JAK3: variants seen among roughly 807,000 people sequenced by gnomAD.
JAK3 encodes the protein Janus kinase 3, also known as tyrosine-protein kinase JAK3.
In JAK3, 88 loss-of-function variants were observed where a neutral mutation model predicts 120.8. The observed-to-expected ratio is 0.73, with a 90% CI of 0.61 to 0.87. The LOEUF is 0.87. Ranked by LOEUF, JAK3 falls within the 40% of genes least tolerant of loss-of-function variation. The pLI, the probability that JAK3 is intolerant of heterozygous loss-of-function variation, is 0.00. For synonymous variants in JAK3, 592 were observed against 628.6 expected (o/e 0.94, Z 0.87); for missense variants, 1,254 against 1,501.4 (o/e 0.84, Z 2.72).
At position 17,831,091 on chromosome 19, in the gene JAK3, G is replaced by A; in HGVS notation, c.2978+137C>T. 1.2e-6 allele frequency: 1 copy of A among 850,578 alleles called. No homozygotes were observed. The highest frequency in any genetic ancestry group is 1.8e-6 in the Non-Finnish European group (1 of 549,254). The allele number at this position is 850,578 out of a possible 1,614,324, so 52.7% of individuals were successfully genotyped here. On this transcript the variant is annotated intron_variant, in intron 21 of 23. Coordinates refer to ENST00000458235, the MANE Select transcript of JAK3 (RefSeq NM_000215.4). The surrounding 1 kb of genome is among the most constrained non-coding windows in gnomAD (Gnocchi z 5.1). ...TGAGGGGGCGGGGCTCTGGGGAGTG[G>A]GAGGGGCCAAAGCTGCAGCGGAGGA...
At chr19:17,827,294 A>G (rs1458319292) in intron 23 of JAK3, among the ~76,000 whole-genome samples, 1 of 151,978 alleles carries the variant, frequency 6.6e-6, no homozygotes, top group Non-Finnish European at 1.5e-5. Flanking sequence ...TAAAACACAA[A>G]TTAAATTCCA....
chr19:17,841,121 C>CT lies in JAK3; in HGVS notation c.1142+267dup, dbSNP rs2094237508. Among the ~76,000 whole-genome samples, 2 of 152,106 alleles carry CT rather than the reference C, an allele frequency of 1.3e-5. No homozygotes were observed. The highest frequency in any genetic ancestry group is 4.8e-5 in the African/African-American group (2 of 41,418). On this transcript the variant is annotated intron_variant, in intron 8 of 23. Coordinates refer to ENST00000458235, the MANE Select transcript of JAK3 (RefSeq NM_000215.4). This position sits in a 1 kb window ranked among gnomAD's most constrained non-coding sequence, Gnocchi z 4.1. ...TGTGCCCCACTATGCCTGGCCCTTCCTGGGAGATTAAACAAGAGGCTGTAG... is the reference window on the plus strand; with the variant it reads ...TGTGCCCCACTATGCCTGGCCCTTCCTTGGGAGATTAAACAAGAGGCTGTAG...
Position 17,842,175 on chromosome 19 carries a change from TA to T in JAK3, c.861+140del. 2.2e-6 allele frequency: 2 copies of T among 895,546 alleles called. No individual in the cohort carries two copies. Among genetic ancestry groups the T allele is most frequent in the Non-Finnish European group, 3.2e-6 (2 of 624,720 alleles). The allele number at this position is 895,546 out of a possible 1,614,324, so 55.5% of individuals were successfully genotyped here. The stretch of plus-strand genomic sequence containing the variant: ...CCATTCCCGCAGTCTCCTCCCTCAC[TA>T]AGCCCCGCCCCTCATTAAGCCTCGC... On this transcript the variant is annotated intron_variant, in intron 6 of 23. Transcript: ENST00000458235. This position sits in a 1 kb window ranked among gnomAD's most constrained non-coding sequence, Gnocchi z 6.4.
rs200738540 is a variant in JAK3 at position 17,841,538 on chromosome 19, C to T, written c.993G>A (p.Glu331=). The T allele has an allele frequency of 3.4e-5, 54 of 1,590,586 alleles. 1 individual carries two copies. In the South Asian group the frequency reaches 5.6e-4, roughly 17 times the overall value. The part of the protein sequence containing the change: ...TRTDNQILEA[E]FPGLPEALSF... ...ACAGAGCCTCGGGCAGCCCTGGGAA[C>T]TCGGCCTCCTGCGAGGGACAAGCGT... is the stretch of plus-strand genomic sequence containing the variant. The change falls in exon 8 of 24, where the codon GAG becomes GAA. Residue 331 remains glutamate (E), a synonymous_variant. Coordinates refer to ENST00000458235, the MANE Select transcript of JAK3 (RefSeq NM_000215.4). This position sits in a 1 kb window ranked among gnomAD's most constrained non-coding sequence, Gnocchi z 4.1.
At position 17,831,310 on chromosome 19, in the gene JAK3, C is replaced by T. The variant is rs1335623654; in HGVS notation, c.2896G>A (p.Ala966Thr). ...LVESEAHVKIADFGLAKLLPL... is the reference protein window; with the variant it reads ...LVESEAHVKITDFGLAKLLPL... ...AGCAGCTTAGCTAGGCCGAAGTCAG[C>T]GATCTTGACGTGTGCCTCGCTCTCC... Residue 966 changes from alanine (A) to threonine (T), a missense_variant, in exon 21 of 24, where the codon GCT becomes ACT. Physicochemically the swap from Ala to Thr is moderately conservative, Grantham distance 58. This residue lies in a region of JAK3 where 630 missense variants were observed against 819.8 expected (regional missense o/e 0.77). Coordinates refer to ENST00000458235, the MANE Select transcript of JAK3 (RefSeq NM_000215.4). The surrounding 1 kb of genome is among the most constrained non-coding windows in gnomAD (Gnocchi z 5.1). 6.2e-7 allele frequency: 1 copy of T among 1,612,536 alleles called. No homozygotes were observed. Among genetic ancestry groups the T allele is most frequent in the Admixed American group, 1.7e-5 (1 of 59,986 alleles).
rs929519218 is a variant in JAK3, at chr19:17,831,112, G to A, written c.2978+116C>T. The A allele has an allele frequency of 9.5e-5, 106 of 1,116,036 alleles. No homozygotes were observed. Among genetic ancestry groups the A allele is most frequent in the Non-Finnish European group, 1.3e-4 (101 of 785,946 alleles). The allele number at this position is 1,116,036 out of a possible 1,614,324, so 69.1% of individuals were successfully genotyped here. A position where few individuals can be genotyped will look rare whatever the true frequency, so the allele number is the denominator to read the frequency against. On this transcript the variant is annotated intron_variant, in intron 21 of 23. Transcript: ENST00000458235. The surrounding 1 kb of genome is among the most constrained non-coding windows in gnomAD (Gnocchi z 5.1). ...AGTGGGAGGGGCCAAAGCTGCAGCGGAGGAAGGGCGGGGCTAAGGCTGGGG... is the reference window on the plus strand; with the variant it reads ...AGTGGGAGGGGCCAAAGCTGCAGCGAAGGAAGGGCGGGGCTAAGGCTGGGG...
At position 17,831,559 on chromosome 19, in the gene JAK3, A is replaced by G. The variant is rs894694878; in HGVS notation, c.2805+115T>C. ...TCCTGAGCCCTAAGCCAACCCCACCACTCCCGAGACCTGGACCCCAAACCA... is the reference window on the plus strand; with the variant it reads ...TCCTGAGCCCTAAGCCAACCCCACCGCTCCCGAGACCTGGACCCCAAACCA... On this transcript the variant is annotated intron_variant, in intron 20 of 23. Coordinates refer to ENST00000458235, the MANE Select transcript of JAK3 (RefSeq NM_000215.4). This position sits in a 1 kb window ranked among gnomAD's most constrained non-coding sequence, Gnocchi z 5.1. The G allele has an allele frequency of 4.7e-6, 7 of 1,489,674 alleles. No homozygotes were observed. Among genetic ancestry groups the G allele is most frequent in the African/African-American group, 1.4e-5 (1 of 69,506 alleles). The allele number at this position is 1,489,674 out of a possible 1,614,324, so 92.3% of individuals were successfully genotyped here.
In JAK3 at chr19:17,825,615, A is replaced by C; in HGVS notation, c.*1128T>G. On this transcript the variant is annotated 3_prime_UTR_variant, in exon 24 of 24. Coordinates refer to ENST00000458235, the MANE Select transcript of JAK3 (RefSeq NM_000215.4). ...AGTCAGATCATACATTTAAAGCTAC[A>C]TGAGGGCCGGGCGCAGTGGCTCATG... The C allele has an allele frequency of 5.5e-6, 1 of 182,866 alleles. No homozygotes were observed. 11.3% of individuals were successfully genotyped at this position (182,866 alleles called of 1,614,324 possible). A position where few individuals can be genotyped will look rare whatever the true frequency, so the allele number is the denominator to read the frequency against.
rs2094216049 is a variant in JAK3 at position 17,832,456 on chromosome 19, T to TAA, written c.2680+61_2680+62dup. 6.5e-7 allele frequency: 1 copy of TAA among 1,544,456 alleles called. No individual in the cohort carries two copies. Among genetic ancestry groups the TAA allele is most frequent in the African/African-American group, 1.4e-5 (1 of 73,486 alleles). On this transcript the variant is annotated intron_variant, in intron 19 of 23. Coordinates refer to ENST00000458235, the MANE Select transcript of JAK3 (RefSeq NM_000215.4). The surrounding 1 kb of genome is among the most constrained non-coding windows in gnomAD (Gnocchi z 4.7). ...TACCTAAAGTGGCCTGGCAGGAGGG[T>TAA]AAGAATGTGCACTTTGAAAAGCACC...
rs201073968 is a variant in JAK3, at chr19:17,826,818, G to A, written c.3300C>T (p.Ser1100=). Residue 1100 remains serine, a synonymous_variant, in exon 24 of 24, where the codon AGC becomes AGT. Coordinates refer to ENST00000458235, the MANE Select transcript of JAK3 (RefSeq NM_000215.4). ...CATGAGTCTCACACCCCCGGCTTCCGCTCCACAGCATGTCCAGCTGGGGGC... is the reference window on the plus strand; with the variant it reads ...CATGAGTCTCACACCCCCGGCTTCCACTCCACAGCATGTCCAGCTGGGGGC... ...ALGPQLDMLW[S]GSRGCETHAF... 229 of 1,614,062 alleles carry A rather than the reference G, an allele frequency of 1.4e-4. 2 individuals carry two copies. The East Asian group carries it at 2.7e-3, about 19-fold the overall frequency.
At chr19:17,846,659 A>G (rs2147704053) in intron 1 of JAK3, among the ~76,000 whole-genome samples, 1 of 152,270 alleles carries the variant, frequency 6.6e-6, no homozygotes, top group East Asian at 1.9e-4. Flanking sequence ...ATCTTGGCTC[A>G]CTGTAGCCTC....
In JAK3 at chr19:17,842,004, T is replaced by G. The variant is rs955476794; in HGVS notation, c.862-242A>C. ...CTGCCGGACCCCGCCCCTTGATCCC[T>G]GCCCCGCTTCGCAGCCTCCCAGCTC... On this transcript the variant is annotated intron_variant, in intron 6 of 23. Transcript: ENST00000458235. This position sits in a 1 kb window ranked among gnomAD's most constrained non-coding sequence, Gnocchi z 6.4. Among the ~76,000 whole-genome samples, 2 of 145,902 alleles carry G rather than the reference T, an allele frequency of 1.4e-5. No individual in the cohort carries two copies. Among genetic ancestry groups the G allele is most frequent in the Non-Finnish European group, 3.0e-5 (2 of 67,012 alleles).
Position 17,844,033 on chromosome 19 carries a change from T to A in JAK3, c.185-133A>T, listed in dbSNP as rs572680394. 2.4e-6 allele frequency: 3 copies of A among 1,266,530 alleles called. No homozygotes were observed. In the South Asian group the frequency reaches 4.1e-5, roughly 17 times the overall value. The allele number at this position is 1,266,530 out of a possible 1,614,324, so 78.5% of individuals were successfully genotyped here. ...GACCAGCTGTTCCCTTCATGTGCCG[T>A]CACACCTCTCCGTCTGCACAGGCCA... On this transcript the variant is annotated intron_variant, in intron 2 of 23. Coordinates refer to ENST00000458235, the MANE Select transcript of JAK3 (RefSeq NM_000215.4).
Position 17,831,440 on chromosome 19 carries a change from G to A in JAK3, c.2806-40C>T, listed in dbSNP as rs1451044073. ...TGTGAGCGTGCAGAGAGGATCCCAG[G>A]ATAATCCGGCAGGTACCCCAAGCGT... On this transcript the variant is annotated intron_variant, in intron 20 of 23. Coordinates refer to ENST00000458235, the MANE Select transcript of JAK3 (RefSeq NM_000215.4). This position sits in a 1 kb window ranked among gnomAD's most constrained non-coding sequence, Gnocchi z 5.1. The A allele has an allele frequency of 6.3e-7, 1 of 1,598,660 alleles. No individual in the cohort carries two copies. The highest frequency in any genetic ancestry group is 1.3e-5 in the African/African-American group (1 of 74,810).
At chr19:17,829,411 A>C (rs1010214208) in intron 23 of JAK3, among the ~76,000 whole-genome samples, 1 of 152,098 alleles carries the variant, frequency 6.6e-6, no homozygotes, top group Non-Finnish European at 1.5e-5. Flanking sequence ...TGACCGCCTC[A>C]GCCTTCAAAA....
intron 10 of JAK3, 128 bp from the exon 11 acceptor site, chr19:17,838,518 A>G (rs1395901148): frequency 4.0e-6 from 4 of 1,009,020 alleles, no homozygotes; most frequent in Non-Finnish European, 6.2e-6. Flanking sequence ...TTCAGGGCAC[A>G]TGGCTTTTTG....
intron 14 of JAK3, among the ~76,000 whole-genome samples, 163 bp from the exon 15 acceptor site, chr19:17,835,378 C>T (rs1158011691): frequency 6.6e-6 from 1 of 152,192 alleles, no homozygotes; most frequent in East Asian, 1.9e-4. Context: ...TAGTTCACCC[C>T]CTACACTGAC....
chr19:17,829,458 C>T (rs967617570), intron 23 of JAK3, among the ~76,000 whole-genome samples: 1 of 151,540 alleles, frequency 6.6e-6, no homozygotes, highest in Admixed American at 6.6e-5. Context: ...CACACCTGGC[C>T]AAAATTATTT....
chr19:17,830,057 C>T, intron 23 of JAK3, 51 bp downstream of exon 23: 1 of 1,391,874 alleles, frequency 7.2e-7, no homozygotes, highest in Non-Finnish European at 1.0e-6. Flanking sequence ...TGCCCGAGAC[C>T]CCGGCCCAAT....
Sources: allele counts gnomAD v4.1 joint callset (sites outside exome capture counted in the v4.1 genomes callset), GRCh38; gene constraint gnomAD v4.1.1; regional missense constraint gnomAD v4.1.1; non-coding constraint Gnocchi (gnomAD v3.1); transcripts MANE v1.5; gene names NCBI Gene and HGNC (gene_info 2026-07-23, HGNC 2026-07-21).